Variants in TCERG1L observed in about 807,000 individuals in gnomAD.
TCERG1L encodes transcription elongation regulator 1 like, also known as transcription elongation regulator 1-like protein.
TCERG1L carries 37 observed loss-of-function variants against 56.3 expected under a neutral mutation model. That is an observed-to-expected ratio of 0.66 (90% CI 0.51 to 0.87). The LOEUF is 0.87. TCERG1L is among the 40% of genes least tolerant of loss of function. TCERG1L has a pLI of 0.00. For synonymous variants in TCERG1L, 324 were observed against 326.3 expected (o/e 0.99, Z 0.08); for missense variants, 799 against 774.2 (o/e 1.03, Z -0.38).
At chr10:131,185,657 G>C (rs1277098069) in intron 4 of TCERG1L, among the ~76,000 whole-genome samples, 1 of 152,236 alleles carries the variant, frequency 6.6e-6, no homozygotes, top group Non-Finnish European at 1.5e-5. Flanking sequence ...ATCACTAGTT[G>C]CTAGGGAAAT....
chr10:131,163,319 A>G, intron 5 of TCERG1L, 109 bp from the exon 6 acceptor site: 1 of 853,268 alleles, frequency 1.2e-6, no homozygotes, highest in Middle Eastern at 2.4e-4. Flanking sequence ...GGCAGCTTAT[A>G]GTAGCCACGA....
At chr10:131,310,409 T>C (rs1479620584) in intron 1 of TCERG1L, among the ~76,000 whole-genome samples, 1 of 152,216 alleles carries the variant, frequency 6.6e-6, no homozygotes, top group Non-Finnish European at 1.5e-5. Flanking sequence ...TTTAACAACA[T>C]CTTTTAGAAA....
intron 4 of TCERG1L, among the ~76,000 whole-genome samples, chr10:131,169,299 C>T (rs1846064619): frequency 1.7e-5 from 2 of 119,848 alleles, no homozygotes; most frequent in Admixed American, 1.8e-4. Context: ...CTGGGGAACC[C>T]TCATTAAAAA....
chr10:131,256,947 A>AGG (rs1191019558), intron 4 of TCERG1L, among the ~76,000 whole-genome samples: 29 of 94,446 alleles, frequency 3.1e-4, no homozygotes, highest in African/African-American at 9.3e-4. Context: ...GAGGAAGAGA[A>AGG]AGAAGGAAGG....
intron 7 of TCERG1L, among the ~76,000 whole-genome samples, chr10:131,139,547 T>C (rs1365798284): frequency 6.6e-6 from 1 of 152,196 alleles, no homozygotes; most frequent in African/African-American, 2.4e-5. Flanking sequence ...TGCAGCAGCA[T>C]GTCAATCTCT....
chr10:131,140,465 C>T (rs1845724304), intron 7 of TCERG1L, among the ~76,000 whole-genome samples: 1 of 152,212 alleles, frequency 6.6e-6, no homozygotes, highest in Middle Eastern at 3.2e-3. Context: ...GTAGTGTCAT[C>T]CTCCCTCCCC....
intron 6 of TCERG1L, chr10:131,156,282 C>A (rs1845922161): frequency 6.6e-6 from 1 of 152,118 alleles, no homozygotes; most frequent in Non-Finnish European, 1.5e-5. Flanking sequence ...GTCAAACATG[C>A]TCAATACCTG....
rs1379189798 is a variant in TCERG1L, at chr10:131,103,740, A to G, written c.1485+525T>C. Among the ~76,000 whole-genome samples, 2 of 152,162 alleles carry G rather than the reference A, an allele frequency of 1.3e-5. No individual in the cohort carries two copies. Among genetic ancestry groups the G allele is most frequent in the Non-Finnish European group, 2.9e-5 (2 of 68,032 alleles). ...AAAAGGTTTTGACGGCCTTGTGTGC[A>G]AGACTGTGGTTCTTGTAGAGTCTTT... is the stretch of plus-strand genomic sequence containing the variant. On this transcript the variant is annotated intron_variant, in intron 10 of 11. Coordinates refer to ENST00000368642, the MANE Select transcript of TCERG1L (RefSeq NM_174937.4). The surrounding 1 kb of genome is among the most constrained non-coding windows in gnomAD (Gnocchi z 4.3).
chr10:131,304,099 T>G (rs372578215), intron 3 of TCERG1L, among the ~76,000 whole-genome samples: 19 of 152,064 alleles, frequency 1.2e-4, no homozygotes, highest in South Asian at 4.2e-4. Flanking sequence ...GTTTGGTTTG[T>G]TTTGCCCATC....
chr10:131,156,605 G>A (rs896405553), intron 6 of TCERG1L, among the ~76,000 whole-genome samples: 3 of 152,124 alleles, frequency 2.0e-5, no homozygotes, highest in African/African-American at 7.2e-5. Context: ...AGACAGCCCG[G>A]CGCCACACCC....
At chr10:131,291,447 G>A (rs1324243382) in intron 3 of TCERG1L, among the ~76,000 whole-genome samples, 1 of 38,984 alleles carries the variant, frequency 2.6e-5, no homozygotes, top group East Asian at 9.3e-4. Context: ...TTTTTTTTGA[G>A]ACGGAGTCTC....
At chr10:131,185,176 T>A (rs1845222324) in intron 4 of TCERG1L, among the ~76,000 whole-genome samples, 1 of 152,106 alleles carries the variant, frequency 6.6e-6, no homozygotes, top group African/African-American at 2.4e-5. Context: ...AATAATTAGA[T>A]AACAAGATGC....
At chr10:131,280,960 C>G (rs898095002) in intron 3 of TCERG1L, among the ~76,000 whole-genome samples, 2 of 152,146 alleles carry the variant, frequency 1.3e-5, no homozygotes, top group Non-Finnish European at 2.9e-5. Flanking sequence ...GCACCTTCCC[C>G]CTCTGACTCA....
At chr10:131,276,070 A>G (rs1040260681) in intron 3 of TCERG1L, among the ~76,000 whole-genome samples, 1 of 152,142 alleles carries the variant, frequency 6.6e-6, no homozygotes, top group African/African-American at 2.4e-5. Flanking sequence ...TAACACATAC[A>G]TGTTAATTGG....
At position 131,146,570 on chromosome 10, in the gene TCERG1L, G is replaced by C; in HGVS notation, c.1125C>G (p.Asp375Glu). Residue 375 changes from aspartate (D) to glutamate (E), a missense_variant, in exon 7 of 12, where the codon GAC (aspartate) becomes GAG (glutamate). Coordinates refer to ENST00000368642, the MANE Select transcript of TCERG1L (RefSeq NM_174937.4). ...CAATGATCCTGTTGAGGTCTCCGCG[G>C]TCCTTCAGGTCCATGGGCTTCTCCC... ...SVWEKPMDLK[D>E]RGDLNRIIED... 6.2e-7 allele frequency: 1 copy of C among 1,613,964 alleles called. No homozygotes were observed. Among genetic ancestry groups the C allele is most frequent in the Non-Finnish European group, 8.5e-7 (1 of 1,179,870 alleles).
At chr10:131,266,682 C>A (rs1846289910) in intron 3 of TCERG1L, among the ~76,000 whole-genome samples, 1 of 152,130 alleles carries the variant, frequency 6.6e-6, no homozygotes, top group Non-Finnish European at 1.5e-5. Context: ...GCAGGTCATC[C>A]TGATGAGTGT....
intron 3 of TCERG1L, among the ~76,000 whole-genome samples, chr10:131,279,619 C>G (rs1027227446): frequency 1.3e-5 from 2 of 152,214 alleles, no homozygotes; most frequent in African/African-American, 4.8e-5. Context: ...CCATGCTGGC[C>G]TGCAATCCAG....
In TCERG1L at chr10:131,159,845, G is replaced by A. The variant is rs548255834; in HGVS notation, c.1034+3277C>T. ...CTTGACAGAGCACGCGGCCACAGGA[G>A]AAGCTGAGATCTGGAGAGGCCCCTT... On this transcript the variant is annotated intron_variant, in intron 6 of 11. Coordinates refer to ENST00000368642, the MANE Select transcript of TCERG1L (RefSeq NM_174937.4). Among the ~76,000 whole-genome samples the A allele has an allele frequency of 3.3e-5, 5 of 152,282 alleles. No homozygotes were observed. The East Asian group carries it at 7.7e-4, about 24-fold the overall frequency.
chr10:131,234,595 CT>C (rs1422342866), intron 4 of TCERG1L, among the ~76,000 whole-genome samples: 1 of 152,172 alleles, frequency 6.6e-6, no homozygotes, highest in African/African-American at 2.4e-5. Context: ...CTCATTTATT[CT>C]TGATCCCAAG....
Sources: gnomAD v4.1 joint callset for allele counts (sites outside exome capture counted in the v4.1 genomes callset) on GRCh38, gnomAD v4.1.1 for gene constraint, Gnocchi (gnomAD v3.1) non-coding constraint, MANE v1.5 for transcripts, NCBI Gene and HGNC (gene_info 2026-07-23, HGNC 2026-07-21) for gene names.